The following RGL1 variants were observed in gnomAD, a reference collection of about 807,000 sequenced individuals.
The protein encoded by RGL1 is ral guanine nucleotide dissociation stimulator like 1, also known as ral guanine nucleotide dissociation stimulator-like 1.
Under a neutral mutation model 95.2 loss-of-function variants are expected in RGL1, and 24 were observed. The observed-to-expected ratio is 0.25, with a 90% CI of 0.18 to 0.35. RGL1 has a LOEUF of 0.35. Ranked by LOEUF, RGL1 falls within the 10% of genes least tolerant of loss-of-function variation. The pLI is 1.00. For synonymous variants in RGL1, 329 were observed against 344.9 expected, an observed-to-expected ratio of 0.95 and a Z score of 0.51; for missense variants, 715 against 936.3, an observed-to-expected ratio of 0.76 and a Z score of 3.08.
At chr1:183,698,229 C>T (rs1654365364) in intron 1 of RGL1, among the ~76,000 whole-genome samples, 1 of 152,248 alleles carries the variant, frequency 6.6e-6, no homozygotes. Context: ...CCAGCACACC[C>T]TGGTGGGCTC....
intron 1 of RGL1, among the ~76,000 whole-genome samples, chr1:183,640,125 C>T (rs1266855012): frequency 6.6e-6 from 1 of 152,182 alleles, no homozygotes; most frequent in Non-Finnish European, 1.5e-5. Flanking sequence ...GTGTGAGCCA[C>T]TGTGCCTGGC....
intron 1 of RGL1, among the ~76,000 whole-genome samples, chr1:183,684,220 G>A (rs1288728501): frequency 1.3e-5 from 2 of 152,166 alleles, no homozygotes; most frequent in Non-Finnish European, 2.9e-5. Flanking sequence ...CTGGCGAGGA[G>A]TTGTGATCCT....
chr1:183,837,557 G>A (rs2491440), intron 2 of RGL1, among the ~76,000 whole-genome samples: 23,936 of 150,854 alleles, frequency 0.16, 2,264 homozygotes, highest in East Asian at 0.29. Flanking sequence ...CTCTCCCTCC[G>A]TGCAACTCTT....
At chr1:183,719,243 C>A (rs1655836029) in intron 1 of RGL1, among the ~76,000 whole-genome samples, 2 of 152,168 alleles carry the variant, frequency 1.3e-5, no homozygotes, top group Admixed American at 6.5e-5. Flanking sequence ...GATTGATATT[C>A]ATTCATTCAT....
intron 2 of RGL1, among the ~76,000 whole-genome samples, chr1:183,821,401 A>G (rs1662481785): frequency 6.6e-6 from 1 of 152,204 alleles, no homozygotes; most frequent in South Asian, 2.1e-4. Context: ...TTTTGTTTAA[A>G]GTATGCATGT....
At position 183,812,817 on chromosome 1, in the gene RGL1, G is replaced by T. The variant is rs188417473; in HGVS notation, c.138+6332G>T. Among the ~76,000 whole-genome samples the T allele has an allele frequency of 1.4e-3, 210 of 152,304 alleles. 2 individuals carry two copies. Among genetic ancestry groups the T allele is most frequent in the Non-Finnish European group, 1.8e-4 (12 of 68,024 alleles). On this transcript the variant is annotated intron_variant, in intron 2 of 17. Transcript: ENST00000360851. ...GCACAGCCTGTGGGAAGGTGTGGAG[G>T]CCTGAAATGAGACTTCCCCTGTGAG... is the stretch of plus-strand genomic sequence containing the variant.
intron 4 of RGL1, among the ~76,000 whole-genome samples, chr1:183,867,639 A>G (rs1665919385): frequency 6.6e-6 from 1 of 151,426 alleles, no homozygotes; most frequent in Admixed American, 6.6e-5. Context: ...TTTTGGTTGT[A>G]TATGTGTTTT....
chr1:183,688,868 T>G (rs916801843), intron 1 of RGL1, among the ~76,000 whole-genome samples: 1 of 152,170 alleles, frequency 6.6e-6, no homozygotes, highest in African/African-American at 2.4e-5. Context: ...ATATTAAACT[T>G]CACAGTAAAA....
At chr1:183,909,887 GA>G (rs746973174) in intron 14 of RGL1, among the ~76,000 whole-genome samples, 35 of 152,066 alleles carry the variant, frequency 2.3e-4, no homozygotes, top group Non-Finnish European at 4.7e-4. Context: ...CTTAGTCTGA[GA>G]AAGTCTTTAT....
At chr1:183,881,840 C>G (rs1666841765) in intron 5 of RGL1, among the ~76,000 whole-genome samples, 1 of 152,224 alleles carries the variant, frequency 6.6e-6, no homozygotes, top group Non-Finnish European at 1.5e-5. Context: ...TGTTTGAATA[C>G]CAGGGGCACT....
intron 9 of RGL1, among the ~76,000 whole-genome samples, chr1:183,895,433 A>C (rs1667637602): frequency 6.6e-6 from 1 of 152,138 alleles, no homozygotes; most frequent in South Asian, 2.1e-4. Flanking sequence ...ATAAAAGGAG[A>C]GAGAGAGGGA....
intron 2 of RGL1, among the ~76,000 whole-genome samples, chr1:183,760,568 CAAA>C (rs58715145): frequency 2.0e-4 from 10 of 50,728 alleles, no homozygotes; most frequent in South Asian, 1.9e-3. Flanking sequence ...CCAGTCTCTG[CAAA>C]AAAAAAAAAA....
chr1:183,700,787 G>A (rs543199341), intron 1 of RGL1, among the ~76,000 whole-genome samples: 66 of 152,056 alleles, frequency 4.3e-4, no homozygotes, highest in Non-Finnish European at 8.4e-4. Flanking sequence ...CTTGTGATCC[G>A]CCCACCTCGG....
chr1:183,704,198 A>G (rs896674611), intron 1 of RGL1, among the ~76,000 whole-genome samples: 1 of 152,202 alleles, frequency 6.6e-6, no homozygotes, highest in Non-Finnish European at 1.5e-5. Context: ...GGCCTCTGCA[A>G]TGAATGATGG....
intron 1 of RGL1, among the ~76,000 whole-genome samples, chr1:183,668,003 ATGTGTGTGTG>A (rs71130628): frequency 4.4e-5 from 6 of 135,240 alleles, no homozygotes; most frequent in South Asian, 2.2e-4. Context: ...GCTTATATAT[ATGTGTGTGTG>A]TGTGTGTGTG....
At chr1:183,901,298 C>CA (rs931999631) in intron 11 of RGL1, among the ~76,000 whole-genome samples, 9 of 150,868 alleles carry the variant, frequency 6.0e-5, no homozygotes, top group Middle Eastern at 3.4e-3. Flanking sequence ...GACCCCATCT[C>CA]AAAAAAAAGA....
At chr1:183,821,430 A>G (rs903026749) in intron 2 of RGL1, among the ~76,000 whole-genome samples, 6 of 152,222 alleles carry the variant, frequency 3.9e-5, no homozygotes, top group African/African-American at 1.4e-4. Context: ...GATCCCATGT[A>G]AAATGTATTT....
chr1:183,881,108 C>T (rs1251799599), intron 5 of RGL1, among the ~76,000 whole-genome samples: 1 of 152,120 alleles, frequency 6.6e-6, no homozygotes, highest in African/African-American at 2.4e-5. Flanking sequence ...CTTCTGTTAC[C>T]AAGAAGAGGG....
intron 1 of RGL1, among the ~76,000 whole-genome samples, chr1:183,711,621 T>G (rs1655275920): frequency 6.6e-6 from 1 of 152,134 alleles, no homozygotes; most frequent in African/African-American, 2.4e-5. Context: ...TTGGAAAGCC[T>G]TGGAGGGGAA....
Sources: allele counts gnomAD v4.1 joint callset (sites outside exome capture counted in the v4.1 genomes callset), GRCh38; gene constraint gnomAD v4.1.1; transcripts MANE v1.5; gene names NCBI Gene and HGNC (gene_info 2026-07-23, HGNC 2026-07-21).